SNX29: variants seen among roughly 807,000 people sequenced by gnomAD.
SNX29 encodes sorting nexin-29.
In SNX29, 78 loss-of-function variants were observed where a neutral mutation model predicts 102.1. The observed-to-expected ratio is 0.76, with a 90% CI of 0.64 to 0.92. The LOEUF is 0.92. SNX29 is among the 40% of genes least tolerant of loss of function. SNX29 has a pLI of 0.00. For synonymous variants in SNX29, 580 were observed against 414.5 expected (o/e 1.40, Z -4.85); for missense variants, 1,280 against 1,061.7 (o/e 1.21, Z -2.86).
chr16:12,567,805 C>A (rs1567222891), intron 20 of SNX29, among the ~76,000 whole-genome samples: 1 of 152,164 alleles, frequency 6.6e-6, no homozygotes, highest in Non-Finnish European at 1.5e-5. Flanking sequence ...CACAGGACTT[C>A]CTGCTGAGCA....
At chr16:12,383,353 C>G (rs1042889649) in intron 16 of SNX29, among the ~76,000 whole-genome samples, 2 of 152,218 alleles carry the variant, frequency 1.3e-5, no homozygotes, top group African/African-American at 4.8e-5. Flanking sequence ...AAAAAAGCAT[C>G]TTAAACACTT....
intron 20 of SNX29, among the ~76,000 whole-genome samples, chr16:12,554,140 T>C (rs1309356451): frequency 1.3e-5 from 2 of 152,256 alleles, no homozygotes; most frequent in African/African-American, 2.4e-5. Flanking sequence ...GATGCTTTGC[T>C]CTTTACTGTG....
At chr16:12,540,769 C>G (rs1004668251) in intron 20 of SNX29, among the ~76,000 whole-genome samples, 1 of 152,332 alleles carries the variant, frequency 6.6e-6, no homozygotes, top group African/African-American at 2.4e-5. Flanking sequence ...GCCACCTCCC[C>G]TAGAGTGTCA....
At chr16:12,331,335 A>G (rs566886250) in intron 15 of SNX29, among the ~76,000 whole-genome samples, 6 of 152,336 alleles carry the variant, frequency 3.9e-5, no homozygotes, top group Non-Finnish European at 8.8e-5. Context: ...GCTTGGTACC[A>G]GAAAAAGACA....
intron 11 of SNX29, among the ~76,000 whole-genome samples, chr16:12,121,149 C>T (rs151034093): frequency 1.4e-4 from 21 of 152,336 alleles, no homozygotes; most frequent in Non-Finnish European, 1.5e-4. Context: ...GGCCCCGGTA[C>T]TCAAGTGACC....
intron 15 of SNX29, among the ~76,000 whole-genome samples, chr16:12,330,213 C>A (rs2081254327): frequency 1.3e-5 from 2 of 152,162 alleles, no homozygotes; most frequent in African/African-American, 4.8e-5. Flanking sequence ...TGGTGGTCCC[C>A]TTGTGGCCTT....
At chr16:12,138,869 A>C (rs2054760568) in intron 13 of SNX29, among the ~76,000 whole-genome samples, 1 of 151,760 alleles carries the variant, frequency 6.6e-6, no homozygotes, top group Non-Finnish European at 1.5e-5. Flanking sequence ...TGTTCAAGAG[A>C]GTTTGAGTGG....
chr16:12,462,599 C>A (rs2086856613), intron 18 of SNX29, among the ~76,000 whole-genome samples: 1 of 151,750 alleles, frequency 6.6e-6, no homozygotes. Context: ...ATTATACACA[C>A]ACACACACAC....
intron 13 of SNX29, among the ~76,000 whole-genome samples, chr16:12,189,344 C>G (rs539282407): frequency 1.3e-5 from 2 of 152,292 alleles, no homozygotes; most frequent in East Asian, 1.9e-4. Flanking sequence ...CATGTCTGTT[C>G]GGGCTAGAAC....
At chr16:12,357,531 G>C (rs1304069821) in intron 16 of SNX29, among the ~76,000 whole-genome samples, 5 of 152,050 alleles carry the variant, frequency 3.3e-5, no homozygotes, top group Admixed American at 6.6e-5. Context: ...TTAAAAATTA[G>C]GGTAAAATAT....
At chr16:12,445,335 C>T (rs559351262) in intron 18 of SNX29, among the ~76,000 whole-genome samples, 2 of 152,156 alleles carry the variant, frequency 1.3e-5, no homozygotes, top group African/African-American at 4.8e-5. Context: ...TTTGCTGAGG[C>T]CTTATCGAGA....
At chr16:12,174,114 C>G (rs1024383152) in intron 13 of SNX29, among the ~76,000 whole-genome samples, 1 of 152,192 alleles carries the variant, frequency 6.6e-6, no homozygotes, top group African/African-American at 2.4e-5. Flanking sequence ...TCTGCAGAAG[C>G]AAGTCTGAAT....
intron 19 of SNX29, among the ~76,000 whole-genome samples, chr16:12,483,118 T>TTTTTTTTG (rs2088037424): frequency 9.9e-6 from 1 of 101,380 alleles, no homozygotes; most frequent in Non-Finnish European, 1.9e-5. Flanking sequence ...TATTAAGTTT[T>TTTTTTTTG]TTTTTTTTTT....
chr16:12,312,630 C>G (rs1312736765), intron 15 of SNX29, among the ~76,000 whole-genome samples: 1 of 151,928 alleles, frequency 6.6e-6, no homozygotes, highest in African/African-American at 2.4e-5. Context: ...ACTTCATCTC[C>G]CCCTCCTCAA....
chr16:12,125,974 G>C (rs1175278819), intron 11 of SNX29, among the ~76,000 whole-genome samples: 1 of 151,996 alleles, frequency 6.6e-6, no homozygotes, highest in Non-Finnish European at 1.5e-5. Context: ...CGCTGTCTGG[G>C]GCTGATTTCC....
intron 18 of SNX29, among the ~76,000 whole-genome samples, chr16:12,422,771 G>A (rs1285160196): frequency 2.0e-5 from 3 of 152,176 alleles, no homozygotes; most frequent in Non-Finnish European, 4.4e-5. Context: ...CCACATGGCC[G>A]CCAGCTCAGC....
rs1018888664 is a variant in SNX29, at chr16:12,570,306, A to G, written c.*1677A>G. The G allele has an allele frequency of 1.9e-6, 2 of 1,033,932 alleles. No homozygotes were observed. The highest frequency in any genetic ancestry group is 2.4e-6 in the Non-Finnish European group (2 of 850,830). 64.0% of individuals were successfully genotyped at this position (1,033,932 alleles called of 1,614,324 possible). On this transcript the variant is annotated 3_prime_UTR_variant, in exon 21 of 21. Transcript: ENST00000566228. Reference sequence around the variant, plus strand: ...TCAGTTTGCGAGTGTGGAGGACCCGAGACATCCTGTAAAGGCAACTTGGTC... The same window carrying G: ...TCAGTTTGCGAGTGTGGAGGACCCGGGACATCCTGTAAAGGCAACTTGGTC...
chr16:12,209,814 C>T (rs745604099), intron 14 of SNX29, among the ~76,000 whole-genome samples: 96 of 152,176 alleles, frequency 6.3e-4, no homozygotes, highest in Non-Finnish European at 2.2e-4. Flanking sequence ...TTGTCCTTAA[C>T]AAGGTGGCAT....
intron 18 of SNX29, among the ~76,000 whole-genome samples, chr16:12,464,983 C>T (rs1466648346): frequency 1.3e-5 from 2 of 152,230 alleles, no homozygotes; most frequent in African/African-American, 2.4e-5. Context: ...TTCCGATTTA[C>T]ACTTCTCTGA....
Sources: gnomAD v4.1 joint callset for allele counts (sites outside exome capture counted in the v4.1 genomes callset) on GRCh38, gnomAD v4.1.1 for gene constraint, MANE v1.5 for transcripts, NCBI Gene and HGNC (gene_info 2026-07-23, HGNC 2026-07-21) for gene names.